LRRTM4: variants seen among roughly 807,000 people sequenced by gnomAD.
The protein encoded by LRRTM4 is leucine-rich repeat transmembrane neuronal protein 4.
LRRTM4 carries 25 observed loss-of-function variants against 47.6 expected under a neutral mutation model. The ratio of observed to expected loss-of-function variants is 0.53; its 90% CI spans 0.38 to 0.73. The LOEUF is 0.73. Ranked by LOEUF, LRRTM4 falls within the 30% of genes least tolerant of loss-of-function variation. LRRTM4 has a pLI of 0.00. For missense variants in LRRTM4, 638 were observed against 713.4 expected, an observed-to-expected ratio of 0.89 and a Z score of 1.20; for synonymous variants, 311 against 269.5, an observed-to-expected ratio of 1.15 and a Z score of -1.51.
intron 3 of LRRTM4, among the ~76,000 whole-genome samples, chr2:77,455,635 C>T (rs986466595): frequency 8.6e-5 from 13 of 152,028 alleles, no homozygotes; most frequent in Non-Finnish European, 1.9e-4. Flanking sequence ...TCACCATTAC[C>T]TCTATGCTAC....
intron 3 of LRRTM4, among the ~76,000 whole-genome samples, chr2:76,945,083 T>C (rs1675279149): frequency 6.6e-6 from 1 of 152,082 alleles, no homozygotes; most frequent in South Asian, 2.1e-4. Flanking sequence ...ATGTGTTTTT[T>C]GGCCAAGGTC....
chr2:76,996,876 C>T (rs898539404), intron 3 of LRRTM4, among the ~76,000 whole-genome samples: 2 of 152,106 alleles, frequency 1.3e-5, no homozygotes, highest in African/African-American at 2.4e-5. Context: ...TTCTTAGAGG[C>T]TCACTCCTGC....
intron 3 of LRRTM4, among the ~76,000 whole-genome samples, chr2:76,927,465 C>G (rs1377520902): frequency 2.0e-5 from 3 of 152,074 alleles, no homozygotes; most frequent in Non-Finnish European, 2.9e-5. Flanking sequence ...AGATGCCATA[C>G]ATAAACAGAG....
chr2:77,203,101 A>G (rs1674023432), intron 3 of LRRTM4, among the ~76,000 whole-genome samples: 1 of 151,844 alleles, frequency 6.6e-6, no homozygotes, highest in South Asian at 2.1e-4. Flanking sequence ...AAATATATAT[A>G]TATACACACA....
At chr2:77,292,142 A>G (rs62160531) in intron 3 of LRRTM4, among the ~76,000 whole-genome samples, 9 of 151,702 alleles carry the variant, frequency 5.9e-5, no homozygotes, top group East Asian at 1.9e-4. Context: ...CAAAACCACA[A>G]TGAGATACCA....
intron 3 of LRRTM4, among the ~76,000 whole-genome samples, chr2:77,340,194 T>C (rs1419808922): frequency 6.6e-6 from 1 of 151,914 alleles, no homozygotes; most frequent in African/African-American, 2.4e-5. Context: ...ATATTTTAAA[T>C]ATAAAGTCTC....
At chr2:77,175,547 C>A (rs1201580568) in intron 3 of LRRTM4, among the ~76,000 whole-genome samples, 1 of 152,108 alleles carries the variant, frequency 6.6e-6, no homozygotes, top group East Asian at 1.9e-4. Context: ...TTATCTCAAG[C>A]AGCAGAGCAA....
At chr2:77,127,374 T>G (rs1405644801) in intron 3 of LRRTM4, among the ~76,000 whole-genome samples, 1 of 152,186 alleles carries the variant, frequency 6.6e-6, no homozygotes, top group Non-Finnish European at 1.5e-5. Flanking sequence ...TCATTTAAAT[T>G]TAATTGCATA....
chr2:76,992,267 T>A (rs1253870992), intron 3 of LRRTM4, among the ~76,000 whole-genome samples: 1 of 151,828 alleles, frequency 6.6e-6, no homozygotes, highest in African/African-American at 2.4e-5. Context: ...TTCAATATAG[T>A]ACTGGAAGTG....
chr2:77,135,553 G>T (rs1026589106), intron 3 of LRRTM4, among the ~76,000 whole-genome samples: 1 of 152,164 alleles, frequency 6.6e-6, no homozygotes, highest in African/African-American at 2.4e-5. Context: ...ATTTGATCGA[G>T]AAAGTAAATG....
intron 3 of LRRTM4, among the ~76,000 whole-genome samples, chr2:77,394,603 G>C (rs1673627858): frequency 6.6e-6 from 1 of 151,936 alleles, no homozygotes; most frequent in Admixed American, 6.6e-5. Context: ...ATACCGAACA[G>C]GTTGACCAAG....
At chr2:76,831,347 G>A (rs775854769) in intron 3 of LRRTM4, among the ~76,000 whole-genome samples, 5 of 152,084 alleles carry the variant, frequency 3.3e-5, no homozygotes, top group Non-Finnish European at 7.4e-5. Flanking sequence ...GTGTGCACAC[G>A]CTCGCATTTG....
intron 3 of LRRTM4, among the ~76,000 whole-genome samples, chr2:76,778,207 T>C (rs1352959752): frequency 1.3e-4 from 18 of 141,530 alleles, no homozygotes; most frequent in African/African-American, 4.7e-4. Context: ...TCAAGGATAT[T>C]GGTCTAAAAT....
intron 3 of LRRTM4, among the ~76,000 whole-genome samples, chr2:76,755,505 A>C (rs1672996452): frequency 6.6e-6 from 1 of 152,140 alleles, no homozygotes; most frequent in African/African-American, 2.4e-5. Context: ...ACTCTTAGAA[A>C]CTTCTGCAAG....
At chr2:76,995,633 T>G (rs1285766524) in intron 3 of LRRTM4, among the ~76,000 whole-genome samples, 1 of 152,008 alleles carries the variant, frequency 6.6e-6, no homozygotes, top group African/African-American at 2.4e-5. Flanking sequence ...TCACAGTCAT[T>G]GCCTAGTGTT....
At chr2:77,273,052 G>A (rs1676248355) in intron 3 of LRRTM4, among the ~76,000 whole-genome samples, 1 of 151,986 alleles carries the variant, frequency 6.6e-6, no homozygotes, top group African/African-American at 2.4e-5. Flanking sequence ...ATTCTGTGTG[G>A]CATAACAAAT....
chr2:77,452,168 G>A (rs1676280108), intron 3 of LRRTM4, among the ~76,000 whole-genome samples: 1 of 152,120 alleles, frequency 6.6e-6, no homozygotes, highest in African/African-American at 2.4e-5. Context: ...TTTTAAAAGT[G>A]ACTTTTACAA....
chr2:76,907,931 C>T (rs1376949041), intron 3 of LRRTM4, among the ~76,000 whole-genome samples: 1 of 149,096 alleles, frequency 6.7e-6, no homozygotes, highest in African/African-American at 2.5e-5. Context: ...GGAACTGGTA[C>T]CATTCCTTCT....
intron 3 of LRRTM4, among the ~76,000 whole-genome samples, chr2:77,296,752 C>G (rs1422110761): frequency 6.6e-6 from 1 of 152,152 alleles, no homozygotes; most frequent in Non-Finnish European, 1.5e-5. Context: ...GCTGGGCCAC[C>G]ACCAGCCACA....
Sources: allele counts gnomAD v4.1 joint callset (sites outside exome capture counted in the v4.1 genomes callset), GRCh38; gene constraint gnomAD v4.1.1; transcripts MANE v1.5; gene names NCBI Gene and HGNC (gene_info 2026-07-23, HGNC 2026-07-21).